Variants in PALLD observed in about 807,000 individuals in gnomAD.
PALLD encodes palladin, cytoskeletal associated protein.
In PALLD, 61 loss-of-function variants were observed where a neutral mutation model predicts 123.5. The ratio of observed to expected loss-of-function variants is 0.49; its 90% CI spans 0.40 to 0.61. The LOEUF is 0.61. PALLD is among the 20% of genes least tolerant of loss of function. PALLD has a pLI of 0.00. For missense variants in PALLD, 1,273 were observed against 1,377.0 expected (o/e 0.92, Z 1.20); for synonymous variants, 465 against 496.4 (o/e 0.94, Z 0.84).
chr4:168,719,889 G>A (rs897877983), intron 10 of PALLD, among the ~76,000 whole-genome samples: 8 of 152,162 alleles, frequency 5.3e-5, no homozygotes, highest in Admixed American at 1.3e-4. Context: ...CTTTGTCCAT[G>A]TTGCTGGGAA....
chr4:168,538,520 C>T (rs1465394288), intron 2 of PALLD, among the ~76,000 whole-genome samples: 1 of 151,572 alleles, frequency 6.6e-6, no homozygotes. Context: ...CCATTTTAGC[C>T]ATAGACCTTG....
chr4:168,826,188 T>C (rs916778755), intron 10 of PALLD, among the ~76,000 whole-genome samples: 14 of 152,150 alleles, frequency 9.2e-5, no homozygotes, highest in African/African-American at 3.4e-4. Context: ...AAAAGGGTGC[T>C]CAATAGTGAG....
At chr4:168,921,817 C>G in intron 18 of PALLD, 76 bp downstream of exon 18, 3 of 1,131,294 alleles carry the variant, frequency 2.7e-6, no homozygotes, top group Non-Finnish European at 4.0e-6. Flanking sequence ...TTCTACATTA[C>G]TAACCAATAC....
intron 10 of PALLD, among the ~76,000 whole-genome samples, chr4:168,775,460 A>G (rs1486984773): frequency 1.3e-5 from 2 of 152,148 alleles, no homozygotes; most frequent in African/African-American, 4.8e-5. Context: ...TTTATCAGAC[A>G]TGTGCTTTGC....
intron 2 of PALLD, among the ~76,000 whole-genome samples, chr4:168,588,918 C>T (rs1771121598): frequency 6.6e-6 from 1 of 152,200 alleles, no homozygotes; most frequent in Non-Finnish European, 1.5e-5. Flanking sequence ...ACTCAATTTG[C>T]AACTCTAGAT....
At chr4:168,621,359 A>G (rs1400667038) in intron 2 of PALLD, among the ~76,000 whole-genome samples, 1 of 152,184 alleles carries the variant, frequency 6.6e-6, no homozygotes, top group Non-Finnish European at 1.5e-5. Context: ...ACAAATCCTT[A>G]TCTAGAGTTT....
intron 2 of PALLD, among the ~76,000 whole-genome samples, chr4:168,580,594 A>G (rs1770155284): frequency 1.3e-5 from 2 of 152,126 alleles, no homozygotes; most frequent in African/African-American, 4.8e-5. Context: ...CTACAGAACT[A>G]TCATTTGACC....
intron 10 of PALLD, among the ~76,000 whole-genome samples, chr4:168,852,996 A>G (rs533816527): frequency 6.6e-6 from 1 of 152,362 alleles, no homozygotes; most frequent in Non-Finnish European, 1.5e-5. Flanking sequence ...AAAAATGTCA[A>G]GTTTACTTTT....
In PALLD at chr4:168,903,877, A is replaced by T. The variant is rs1303362124; in HGVS notation, c.2593A>T (p.Asn865Tyr). ...AGCCTCCACCCTAGATGATGATGGG[A>T]ATTATACAATTATGGCTGCAAACCC... The part of the protein sequence containing the change: ...TTASTLDDDG[N>Y]YTIMAANPQG... Residue 865 changes from asparagine to tyrosine, a missense_variant, in exon 15 of 22, where the codon AAT (asparagine) becomes TAT (tyrosine). Physicochemically the swap from Asn to Tyr is moderately radical, Grantham distance 143. Around this residue, in one of 2 missense-constraint regions of PALLD, gnomAD observed 329 missense variants for 422.5 expected, o/e 0.78. Coordinates refer to ENST00000505667, the MANE Select transcript of PALLD (RefSeq NM_001166108.2). 1.1e-5 allele frequency: 17 copies of T among 1,613,980 alleles called. No individual in the cohort carries two copies. Among genetic ancestry groups the T allele is most frequent in the Non-Finnish European group, 1.4e-5 (17 of 1,179,958 alleles).
chr4:168,839,437 G>T (rs115080681), intron 10 of PALLD, among the ~76,000 whole-genome samples: 1,784 of 152,260 alleles, frequency 0.012, 37 homozygotes, highest in African/African-American at 0.041. Context: ...AAACGGGAAA[G>T]CTACTTGCGG....
intron 8 of PALLD, 135 bp downstream of exon 8, chr4:168,691,427 A>T: frequency 1.4e-6 from 1 of 713,316 alleles, no homozygotes; most frequent in East Asian, 2.6e-5. Context: ...GGAAATGTGA[A>T]ACCCCCTTAA....
chr4:168,812,196 T>C (rs747520001), intron 10 of PALLD, among the ~76,000 whole-genome samples: 2 of 152,182 alleles, frequency 1.3e-5, no homozygotes, highest in Non-Finnish European at 1.5e-5. Flanking sequence ...GACTTTTGTG[T>C]TAGGGAAACT....
intron 2 of PALLD, among the ~76,000 whole-genome samples, chr4:168,540,591 TA>T (rs546560796): frequency 1.7e-4 from 26 of 152,302 alleles, no homozygotes; most frequent in African/African-American, 6.3e-4. Context: ...CGCATTTTTT[TA>T]AAAAAAGAGC....
At chr4:168,498,076 C>T (rs1760940884) in intron 1 of PALLD, among the ~76,000 whole-genome samples, 1 of 152,074 alleles carries the variant, frequency 6.6e-6, no homozygotes, top group Non-Finnish European at 1.5e-5. Flanking sequence ...ATGTGCCTTC[C>T]AATGTTTTTT....
At chr4:168,734,616 G>C (rs1237304838) in intron 10 of PALLD, among the ~76,000 whole-genome samples, 1 of 152,032 alleles carries the variant, frequency 6.6e-6, no homozygotes, top group Non-Finnish European at 1.5e-5. Flanking sequence ...TTCATTAGCC[G>C]TTACTATGGA....
In PALLD at chr4:168,668,305, T is replaced by G; in HGVS notation, c.1024T>G (p.Tyr342Asp). The G allele has an allele frequency of 6.2e-7, 1 of 1,613,558 alleles. No individual in the cohort carries two copies. Among genetic ancestry groups the G allele is most frequent in the Non-Finnish European group, 8.5e-7 (1 of 1,179,564 alleles). ...GGCCTTTGAGGACGACACAGGTCGC[T>G]ACACCTGTTTGGCTACGAATCCCAG... is the stretch of plus-strand genomic sequence containing the variant. ...AEAFEDDTGRYTCLATNPSGS... is the reference protein window; with the variant it reads ...AEAFEDDTGRDTCLATNPSGS... The change falls in exon 3 of 22, where the codon TAC (tyrosine) becomes GAC (aspartate). Residue 342 changes from tyrosine to aspartate, a missense_variant. Transcript: ENST00000505667.
intron 18 of PALLD, 22 bp from the exon 19 acceptor site, chr4:168,924,233 A>G: frequency 3.2e-6 from 5 of 1,574,668 alleles, no homozygotes; most frequent in Non-Finnish European, 4.4e-6. Flanking sequence ...ATTGATAGAG[A>G]ATTCATCTCA....
intron 10 of PALLD, among the ~76,000 whole-genome samples, chr4:168,880,522 A>AT (rs1214226105): frequency 6.6e-6 from 1 of 152,230 alleles, no homozygotes. Context: ...TTTTGGTTTG[A>AT]TAAATGTGTC....
chr4:168,676,126 C>A (rs1402761958), intron 3 of PALLD, among the ~76,000 whole-genome samples: 1 of 152,126 alleles, frequency 6.6e-6, no homozygotes, highest in Non-Finnish European at 1.5e-5. Context: ...TTTTATCTTT[C>A]CAATTTTTTC....
Sources: gnomAD v4.1 joint callset for allele counts (sites outside exome capture counted in the v4.1 genomes callset) on GRCh38, gnomAD v4.1.1 for gene constraint, gnomAD v4.1.1 regional missense constraint, MANE v1.5 for transcripts, NCBI Gene and HGNC (gene_info 2026-07-23, HGNC 2026-07-21) for gene names.